Variants in PLEKHA5 observed in about 807,000 individuals in gnomAD.
PLEKHA5 encodes pleckstrin homology domain-containing family A member 5.
Under a neutral mutation model 181.9 loss-of-function variants are expected in PLEKHA5, and 55 were observed. The observed-to-expected ratio is 0.30, with a 90% CI of 0.24 to 0.38. The LOEUF (loss-of-function observed/expected upper bound fraction) is 0.38, where lower values mean the gene tolerates loss of function less well. Among genes scored for constraint, PLEKHA5 ranks in the 10% least tolerant of loss-of-function variants. PLEKHA5 has a pLI of 1.00. For missense variants in PLEKHA5, 1,432 were observed against 1,549.5 expected, an observed-to-expected ratio of 0.92 and a Z score of 1.27; for synonymous variants, 535 against 529.4, an observed-to-expected ratio of 1.01 and a Z score of -0.15.
At chr12:19,246,753 A>C (rs2063855049) in intron 3 of PLEKHA5, among the ~76,000 whole-genome samples, 1 of 152,170 alleles carries the variant, frequency 6.6e-6, no homozygotes, top group South Asian at 2.1e-4. Context: ...GCATTCAATG[A>C]AGTTTCGCAT....
intron 15 of PLEKHA5, chr12:19,306,362 A>T: frequency 2.1e-6 from 1 of 477,646 alleles, no homozygotes; most frequent in South Asian, 1.6e-5. Context: ...GTGCTCTCCA[A>T]CTAGCGTGCT....
intron 20 of PLEKHA5, among the ~76,000 whole-genome samples, chr12:19,329,947 G>A (rs1447105529): frequency 1.3e-5 from 2 of 151,288 alleles, no homozygotes; most frequent in South Asian, 2.1e-4. Flanking sequence ...AAAACTAGCC[G>A]AGCGCAGTGG....
At chr12:19,347,233 T>A in intron 24 of PLEKHA5, 51 bp downstream of exon 24, 1 of 1,066,614 alleles carries the variant, frequency 9.4e-7, no homozygotes, top group Non-Finnish European at 1.3e-6. Context: ...GTCCTCTCAT[T>A]TTTGAAAATT....
At chr12:19,243,392 C>T (rs2152466296) in intron 3 of PLEKHA5, 1 of 152,276 alleles carries the variant, frequency 6.6e-6, no homozygotes, top group East Asian at 1.9e-4. Context: ...TAACACCTAC[C>T]TCAAATGGGC....
intron 15 of PLEKHA5, chr12:19,307,063 T>C: frequency 7.3e-7 from 1 of 1,366,102 alleles, no homozygotes; most frequent in South Asian, 1.2e-5. Context: ...AAACTTGAAC[T>C]CAATCTGTTG....
intron 6 of PLEKHA5, among the ~76,000 whole-genome samples, chr12:19,260,303 A>G (rs2068077083): frequency 6.6e-6 from 1 of 152,226 alleles, no homozygotes; most frequent in Admixed American, 6.5e-5. Context: ...CTGGTTTACC[A>G]GAACACATGC....
chr12:19,283,536 C>G lies in PLEKHA5; in HGVS notation c.1570C>G (p.Leu524Val), dbSNP rs771044942. 11 of 1,614,160 alleles carry G rather than the reference C, an allele frequency of 6.8e-6. No individual in the cohort carries two copies. The highest frequency in any genetic ancestry group is 8.5e-6 in the Non-Finnish European group (10 of 1,180,002). ...QRQFYNKQST[L>V]PRHSTLSSPK... ...TCAGTTTTATAACAAACAGAGCACC[C>G]TCCCTCGACACAGTACTTTGAGTAG... Residue 524 changes from leucine to valine, a missense_variant, in exon 12 of 32, where the codon CTC (leucine) becomes GTC (valine). Transcript: ENST00000429027.
chr12:19,185,782 A>G (rs1482975724), intron 3 of PLEKHA5, among the ~76,000 whole-genome samples: 3 of 152,190 alleles, frequency 2.0e-5, no homozygotes, highest in East Asian at 3.8e-4. Flanking sequence ...TAGGGGCCCA[A>G]TGAAACAAAA....
At chr12:19,219,645 G>A (rs760700093) in intron 3 of PLEKHA5, among the ~76,000 whole-genome samples, 9 of 151,464 alleles carry the variant, frequency 5.9e-5, no homozygotes, top group African/African-American at 9.7e-5. Context: ...TTTTACATAT[G>A]CCTTTATTTT....
intron 22 of PLEKHA5, among the ~76,000 whole-genome samples, chr12:19,344,512 G>GT (rs1216333551): frequency 3.3e-5 from 5 of 152,094 alleles, no homozygotes; most frequent in African/African-American, 1.2e-4. Context: ...TGTTTCCAGA[G>GT]TTTTTTATGA....
intron 3 of PLEKHA5, among the ~76,000 whole-genome samples, chr12:19,224,485 G>T (rs2059413528): frequency 6.6e-6 from 1 of 152,028 alleles, no homozygotes; most frequent in Non-Finnish European, 1.5e-5. Context: ...CCAGTTTTCT[G>T]CATTTCATAG....
At position 19,363,610 on chromosome 12, in the gene PLEKHA5, G is replaced by A. The variant is rs113840005; in HGVS notation, c.3608+1904G>A. Reference sequence around the variant, plus strand: ...GGGTTCAAGCGATTCTCCTGCCTCAGCCTCCCAAGTAGCTGGGATTACAAG... The same window carrying A: ...GGGTTCAAGCGATTCTCCTGCCTCAACCTCCCAAGTAGCTGGGATTACAAG... On this transcript the variant is annotated intron_variant, in intron 29 of 31. Coordinates refer to ENST00000429027, the MANE Select transcript of PLEKHA5 (RefSeq NM_001256470.2). 8.9e-3 allele frequency among the ~76,000 whole-genome samples: 1,356 copies of A among 151,824 alleles called. 22 individuals are homozygous for A. The highest frequency in any genetic ancestry group is 0.032 in the African/African-American group (1,308 of 41,398).
In PLEKHA5 at chr12:19,322,641, T is replaced by C; in HGVS notation, c.2422T>C (p.Cys808Arg). ...DDLQNGLLST[C>R]RELSRATAEL... ...TTTACAAAATGGACTGCTTAGTACG[T>C]GTCGAGAACTTTCTCGAGCCACTGC... is the stretch of plus-strand genomic sequence containing the variant. The change falls in exon 20 of 32, where the codon TGT becomes CGT. Residue 808 changes from cysteine to arginine, a missense_variant. By Grantham distance (180) the Cys-to-Arg change is radical (BLOSUM62 -3). Transcript: ENST00000429027. 20 of 1,613,072 alleles carry C rather than the reference T, an allele frequency of 1.2e-5. No homozygotes were observed. Among genetic ancestry groups the C allele is most frequent in the Non-Finnish European group, 1.7e-5 (20 of 1,179,648 alleles).
chr12:19,371,555 T>C (rs866376811), intron 31 of PLEKHA5: 3 of 174,792 alleles, frequency 1.7e-5, no homozygotes, highest in South Asian at 3.3e-4. Flanking sequence ...AGTGAGAACA[T>C]ATGATATTTG....
intron 8 of PLEKHA5, among the ~76,000 whole-genome samples, chr12:19,267,659 C>T (rs1256801470): frequency 2.1e-5 from 3 of 143,698 alleles, no homozygotes; most frequent in African/African-American, 7.9e-5. Context: ...GACTCCCTCC[C>T]TCCCCCAACC....
At chr12:19,135,229 A>C (rs1466852937) in intron 3 of PLEKHA5, among the ~76,000 whole-genome samples, 3 of 152,104 alleles carry the variant, frequency 2.0e-5, no homozygotes, top group Non-Finnish European at 4.4e-5. Context: ...ACCAGAAAGA[A>C]TTTATCTCTT....
intron 20 of PLEKHA5, among the ~76,000 whole-genome samples, 154 bp downstream of exon 20, chr12:19,322,821 C>T (rs928280062): frequency 1.3e-5 from 2 of 151,840 alleles, no homozygotes; most frequent in Non-Finnish European, 2.9e-5. Flanking sequence ...TGTTTAGGAA[C>T]ATAAAATTAA....
chr12:19,242,708 T>C (rs771710770), intron 3 of PLEKHA5, among the ~76,000 whole-genome samples: 3 of 152,228 alleles, frequency 2.0e-5, no homozygotes, highest in Non-Finnish European at 4.4e-5. Flanking sequence ...TCTTAATGTC[T>C]ATAATAATGG....
intron 3 of PLEKHA5, among the ~76,000 whole-genome samples, chr12:19,238,222 T>G (rs2061735987): frequency 6.6e-6 from 1 of 152,100 alleles, no homozygotes. Flanking sequence ...GTTAAATATT[T>G]TCACTTCAGT....
Sources: gnomAD v4.1 joint callset for allele counts (sites outside exome capture counted in the v4.1 genomes callset) on GRCh38, gnomAD v4.1.1 for gene constraint, MANE v1.5 for transcripts, NCBI Gene and HGNC (gene_info 2026-07-23, HGNC 2026-07-21) for gene names.